AGBL4: variants seen among roughly 807,000 people sequenced by gnomAD.
AGBL4 encodes AGBL carboxypeptidase 4, also known as cytosolic carboxypeptidase 6.
In AGBL4, 58 loss-of-function variants were observed where a neutral mutation model predicts 66.4. The observed-to-expected ratio is 0.87, with a 90% CI of 0.71 to 1.09. The LOEUF is 1.09. Ranked by LOEUF, AGBL4 falls within the 50% of genes least tolerant of loss-of-function variation. The pLI, the probability that AGBL4 is intolerant of heterozygous loss-of-function variation, is 0.00. For synonymous variants in AGBL4, 234 were observed against 222.9 expected (o/e 1.05, Z -0.44); for missense variants, 579 against 631.0 (o/e 0.92, Z 0.88).
Position 48,534,264 on chromosome 1 carries a change from G to C in AGBL4, c.1421C>G (p.Pro474Arg), listed in dbSNP as rs1300739360. Residue 474 changes from proline to arginine, a missense_variant, in exon 14 of 14, where the codon CCA (proline) becomes CGA (arginine). Physicochemically the swap from Pro to Arg is moderately radical, Grantham distance 103. Transcript: ENST00000371839. ...RKEKSPPYKH[P>R]LLRGPASNYP... is the part of the protein sequence containing the mutation. The stretch of plus-strand genomic sequence containing the variant: ...GTTGCTGGCTGGGCCCCGCAGGAGT[G>C]GGTGCTTGTAAGGAGGGGATTTTTC... The C allele has an allele frequency of 6.4e-7, 1 of 1,551,418 alleles. No homozygotes were observed. The highest frequency in any genetic ancestry group is 8.7e-7 in the Non-Finnish European group (1 of 1,146,918).
intron 3 of AGBL4, among the ~76,000 whole-genome samples, chr1:49,492,423 A>T (rs992339533): frequency 1.3e-5 from 2 of 151,928 alleles, no homozygotes; most frequent in Non-Finnish European, 2.9e-5. Flanking sequence ...TCCACTTAAT[A>T]TTTCTAAACC....
intron 6 of AGBL4, among the ~76,000 whole-genome samples, chr1:48,801,876 G>A (rs1321203869): frequency 1.3e-5 from 2 of 150,920 alleles, no homozygotes; most frequent in Non-Finnish European, 2.9e-5. Context: ...TCTTCCATCC[G>A]CCATTTCTCA....
At chr1:49,255,793 A>G (rs1652436858) in intron 3 of AGBL4, among the ~76,000 whole-genome samples, 1 of 152,236 alleles carries the variant, frequency 6.6e-6, no homozygotes, top group South Asian at 2.1e-4. Flanking sequence ...TGGATAAAGC[A>G]AATTTGATAC....
At chr1:49,919,914 G>C (rs1652021810) in intron 1 of AGBL4, among the ~76,000 whole-genome samples, 1 of 152,182 alleles carries the variant, frequency 6.6e-6, no homozygotes, top group Admixed American at 6.5e-5. Flanking sequence ...GAACAGAACA[G>C]AGTCCTCAGA....
chr1:49,635,612 C>G (rs1233685420), intron 3 of AGBL4, among the ~76,000 whole-genome samples: 1 of 152,006 alleles, frequency 6.6e-6, no homozygotes, highest in Non-Finnish European at 1.5e-5. Context: ...AAAAGGGTAT[C>G]AAAATGACCA....
chr1:49,228,899 C>G (rs547576813), intron 4 of AGBL4, among the ~76,000 whole-genome samples: 2 of 152,292 alleles, frequency 1.3e-5, no homozygotes, highest in South Asian at 4.1e-4. Context: ...AACTCACAGA[C>G]AGCAATATGT....
intron 2 of AGBL4, among the ~76,000 whole-genome samples, chr1:49,781,612 A>G (rs1187956364): frequency 6.6e-6 from 1 of 152,132 alleles, no homozygotes; most frequent in Non-Finnish European, 1.5e-5. Context: ...AAGGACAGAG[A>G]AAACATAACA....
intron 6 of AGBL4, among the ~76,000 whole-genome samples, chr1:48,834,701 T>C (rs756446492): frequency 1.5e-4 from 23 of 152,212 alleles, no homozygotes; most frequent in Non-Finnish European, 3.2e-4. Context: ...TAAATGTTTG[T>C]TGTTTAAGCC....
intron 5 of AGBL4, among the ~76,000 whole-genome samples, chr1:48,902,960 C>T (rs1266461123): frequency 6.6e-6 from 1 of 152,182 alleles, no homozygotes; most frequent in African/African-American, 2.4e-5. Flanking sequence ...CTCTGCCTGC[C>T]AACACCTGGA....
chr1:49,244,538 G>A (rs1220811839), intron 4 of AGBL4, among the ~76,000 whole-genome samples: 1 of 151,724 alleles, frequency 6.6e-6, no homozygotes, highest in Admixed American at 6.6e-5. Context: ...AACATTAATA[G>A]AAAATTGCCA....
intron 6 of AGBL4, among the ~76,000 whole-genome samples, chr1:48,773,495 A>G (rs1417885042): frequency 6.6e-6 from 1 of 152,164 alleles, no homozygotes; most frequent in Non-Finnish European, 1.5e-5. Context: ...GGTGGGGGAC[A>G]GCTGTGTGTG....
chr1:49,316,288 T>G (rs745380048), intron 3 of AGBL4, among the ~76,000 whole-genome samples: 1 of 152,078 alleles, frequency 6.6e-6, no homozygotes, highest in African/African-American at 2.4e-5. Context: ...TGTATGAATA[T>G]TGACTCATCA....
chr1:48,919,480 A>G (rs1202421404), intron 5 of AGBL4, among the ~76,000 whole-genome samples: 1 of 152,170 alleles, frequency 6.6e-6, no homozygotes, highest in Non-Finnish European at 1.5e-5. Flanking sequence ...CTGAGATTCT[A>G]CTATGTTGAA....
intron 8 of AGBL4, among the ~76,000 whole-genome samples, chr1:48,639,827 C>A (rs149941562): frequency 1.4e-3 from 207 of 152,262 alleles, no homozygotes; most frequent in African/African-American, 4.9e-3. Flanking sequence ...TTCTAACAGG[C>A]TGCTAGTATG....
chr1:49,714,308 T>A (rs1647906228), intron 2 of AGBL4, among the ~76,000 whole-genome samples: 2 of 151,916 alleles, frequency 1.3e-5, no homozygotes, highest in Admixed American at 1.3e-4. Flanking sequence ...ACCTAAATAA[T>A]GTAGATTGTA....
intron 11 of AGBL4, among the ~76,000 whole-genome samples, chr1:48,566,370 C>T (rs753297632): frequency 6.6e-6 from 1 of 152,172 alleles, no homozygotes; most frequent in Non-Finnish European, 1.5e-5. Context: ...TAAAATGAAA[C>T]TCTCAATAAA....
chr1:49,077,472 T>C (rs1480237070), intron 4 of AGBL4, among the ~76,000 whole-genome samples: 1 of 152,046 alleles, frequency 6.6e-6, no homozygotes, highest in Admixed American at 6.6e-5. Context: ...ATACCTACTA[T>C]AAAAATGTAT....
At chr1:49,364,295 G>A (rs560341023) in intron 3 of AGBL4, among the ~76,000 whole-genome samples, 1 of 152,236 alleles carries the variant, frequency 6.6e-6, no homozygotes, top group Admixed American at 6.5e-5. Context: ...AGGCAGACCT[G>A]CACTCCAATT....
chr1:48,929,044 C>A (rs976199581), intron 5 of AGBL4, among the ~76,000 whole-genome samples: 1 of 152,180 alleles, frequency 6.6e-6, no homozygotes, highest in African/African-American at 2.4e-5. Flanking sequence ...GGTTCTGCTA[C>A]CTGCCTACAT....
Sources: gnomAD v4.1 joint callset for allele counts (sites outside exome capture counted in the v4.1 genomes callset) on GRCh38, gnomAD v4.1.1 for gene constraint, MANE v1.5 for transcripts, NCBI Gene and HGNC (gene_info 2026-07-23, HGNC 2026-07-21) for gene names.